Variants in TSHR observed in about 807,000 individuals in gnomAD.
TSHR encodes the protein thyroid stimulating hormone receptor, also known as thyrotropin receptor.
A neutral mutation model predicts 64.1 loss-of-function variants in TSHR; 51 were observed. The ratio of observed to expected loss-of-function variants is 0.80; its 90% confidence interval spans 0.64 to 1.01. TSHR has a LOEUF of 1.01. TSHR is among the 50% of genes least tolerant of loss of function. TSHR has a pLI of 0.00. For missense variants in TSHR, 877 were observed against 942.8 expected, an observed-to-expected ratio of 0.93 and a Z score of 0.91; for synonymous variants, 361 against 361.9, an observed-to-expected ratio of 1.00 and a Z score of 0.03.
chr14:80,968,527 T>C (rs1344256870), intron 1 of TSHR, among the ~76,000 whole-genome samples: 1 of 152,182 alleles, frequency 6.6e-6, no homozygotes, highest in Non-Finnish European at 1.5e-5. Flanking sequence ...AAGGATGCCA[T>C]TGATAGTCCT....
chr14:81,029,768 T>C (rs1884255750), intron 1 of TSHR, among the ~76,000 whole-genome samples: 1 of 152,156 alleles, frequency 6.6e-6, no homozygotes, highest in African/African-American at 2.4e-5. Flanking sequence ...ACTTGGCCTT[T>C]CTTAAAAAAA....
intron 1 of TSHR, chr14:80,982,321 T>C: frequency 8.7e-7 from 1 of 1,143,736 alleles, no homozygotes; most frequent in Non-Finnish European, 1.2e-6. Context: ...TGCCTGGGTC[T>C]GGGCTGAGGA....
intron 1 of TSHR, among the ~76,000 whole-genome samples, chr14:81,025,522 T>C (rs1227271118): frequency 6.6e-6 from 1 of 152,128 alleles, no homozygotes. Flanking sequence ...TTCTATGATA[T>C]TCTATAATAT....
intron 1 of TSHR, chr14:80,993,269 G>A (rs1888839274): frequency 6.6e-6 from 1 of 152,198 alleles, no homozygotes; most frequent in East Asian, 1.9e-4. Flanking sequence ...CCTCTGGACG[G>A]TAGAGAGATT....
intron 1 of TSHR, among the ~76,000 whole-genome samples, chr14:81,044,512 T>C (rs112548722): frequency 6.6e-6 from 1 of 151,712 alleles, no homozygotes; most frequent in South Asian, 2.1e-4. Flanking sequence ...CAAAAAATTA[T>C]CCAGGTGTGG....
chr14:81,135,803 G>T (rs1891432456), intron 8 of TSHR, among the ~76,000 whole-genome samples: 1 of 152,142 alleles, frequency 6.6e-6, no homozygotes, highest in African/African-American at 2.4e-5. Context: ...AAGTACAGAG[G>T]AGCTCCTACC....
chr14:80,998,301 T>A (rs958372962), intron 1 of TSHR, among the ~76,000 whole-genome samples: 24 of 152,080 alleles, frequency 1.6e-4, no homozygotes, highest in Non-Finnish European at 3.4e-4. Flanking sequence ...TTTGTTCAGA[T>A]CAATATTGTT....
At chr14:80,965,522 G>C (rs890226116) in intron 1 of TSHR, among the ~76,000 whole-genome samples, 2 of 152,116 alleles carry the variant, frequency 1.3e-5, no homozygotes, top group African/African-American at 4.8e-5. Flanking sequence ...ATTTTTTCAA[G>C]TTTCTAATGC....
At chr14:81,106,473 C>A (rs1889899970) in intron 7 of TSHR, among the ~76,000 whole-genome samples, 1 of 152,126 alleles carries the variant, frequency 6.6e-6, no homozygotes. Context: ...AGATGGTGAA[C>A]TTGGCACTGG....
At chr14:80,996,651 C>T (rs1049440435) in intron 1 of TSHR, among the ~76,000 whole-genome samples, 1 of 152,128 alleles carries the variant, frequency 6.6e-6, no homozygotes, top group Non-Finnish European at 1.5e-5. Context: ...TAAGCAGTGG[C>T]ACCACTACGA....
rs1888849841 is a variant in TSHR, at chr14:81,092,710, T to C, written c.545+102T>C. ...AAGAGCCATACTGCCTTATCATATA[T>C]ACTCTATAGAGTACAAAGTGTTTTA... On this transcript the variant is annotated intron_variant, in intron 6 of 9. Coordinates refer to ENST00000298171, the MANE Select transcript of TSHR (RefSeq NM_000369.5). The C allele has an allele frequency of 7.8e-6, 8 of 1,024,346 alleles. No individual in the cohort carries two copies. The Admixed American group carries it at 1.2e-4, about 16-fold the overall frequency. The allele number at this position is 1,024,346 out of a possible 1,614,324, so 63.5% of individuals were successfully genotyped here.
At chr14:80,981,424 G>C (rs1888163512) in intron 1 of TSHR, among the ~76,000 whole-genome samples, 1 of 152,176 alleles carries the variant, frequency 6.6e-6, no homozygotes, top group Admixed American at 6.5e-5. Context: ...GGGAATCCAA[G>C]TGAGGAGCAG....
intron 3 of TSHR, among the ~76,000 whole-genome samples, chr14:81,080,607 C>T (rs552617550): frequency 6.6e-6 from 1 of 152,270 alleles, no homozygotes; most frequent in East Asian, 1.9e-4. Flanking sequence ...TTAAAAGATA[C>T]ATCAAATCAT....
At chr14:81,088,131 A>C (rs889617217) in intron 4 of TSHR, 103 bp downstream of exon 4, 1 of 944,680 alleles carries the variant, frequency 1.1e-6, no homozygotes, top group Admixed American at 1.8e-5. Context: ...GTCCAGGTTC[A>C]TTTTAATGGT....
intron 1 of TSHR, among the ~76,000 whole-genome samples, chr14:81,031,921 G>A (rs956227669): frequency 6.6e-6 from 1 of 152,194 alleles, no homozygotes; most frequent in South Asian, 2.1e-4. Context: ...GGAAGCTACT[G>A]TATAAAACTG....
chr14:80,983,126 G>T, intron 1 of TSHR: 1 of 762,420 alleles, frequency 1.3e-6, no homozygotes, highest in East Asian at 2.6e-5. Flanking sequence ...CCCCAGAAAT[G>T]AGAAAATTAC....
rs1183257886 is a variant in TSHR at position 81,103,801 on chromosome 14, C to T, written c.615-4574C>T. On this transcript the variant is annotated intron_variant, in intron 7 of 9. Coordinates refer to ENST00000298171, the MANE Select transcript of TSHR (RefSeq NM_000369.5). This position sits in a 1 kb window ranked among gnomAD's most constrained non-coding sequence, Gnocchi z 4.1. ...CTGCGTGGGGATATGTTGCTTCTCA[C>T]AGAATGTCTGATTCTCTGTATCACA... is the stretch of plus-strand genomic sequence containing the variant. 20 of 985,344 alleles carry T rather than the reference C, an allele frequency of 2.0e-5. No homozygotes were observed. Among genetic ancestry groups the T allele is most frequent in the Non-Finnish European group, 2.3e-5 (19 of 829,938 alleles). The allele number at this position is 985,344 out of a possible 1,614,324, so 61.0% of individuals were successfully genotyped here.
chr14:81,137,549 A>T (rs1269293314), intron 8 of TSHR, among the ~76,000 whole-genome samples: 1 of 152,186 alleles, frequency 6.6e-6, no homozygotes, highest in African/African-American at 2.4e-5. Context: ...AGGAAATTGC[A>T]GATAATCCCA....
At chr14:80,963,546 C>A (rs1887147465) in intron 1 of TSHR, among the ~76,000 whole-genome samples, 1 of 152,168 alleles carries the variant, frequency 6.6e-6, no homozygotes, top group African/African-American at 2.4e-5. Context: ...GTAATAAAGA[C>A]CCAAAGGAAC....
Sources: gnomAD v4.1 joint callset for allele counts (sites outside exome capture counted in the v4.1 genomes callset) on GRCh38, gnomAD v4.1.1 for gene constraint, Gnocchi (gnomAD v3.1) non-coding constraint, MANE v1.5 for transcripts, NCBI Gene and HGNC (gene_info 2026-07-23, HGNC 2026-07-21) for gene names.